Variants in MAN2B1 observed in about 807,000 individuals in gnomAD.
The protein encoded by MAN2B1 is lysosomal alpha-mannosidase.
Under a neutral mutation model 127.5 loss-of-function variants are expected in MAN2B1, and 99 were observed. The observed-to-expected ratio is 0.78, with a 90% CI of 0.66 to 0.92. MAN2B1 has a LOEUF of 0.92. MAN2B1 is among the 40% of genes least tolerant of loss of function. The probability of loss-of-function intolerance (pLI) is 0.00; values close to 1 mark genes in which losing one functional copy is unlikely to be tolerated. For synonymous variants in MAN2B1, 573 were observed against 568.8 expected (o/e 1.01, Z -0.11); for missense variants, 1,304 against 1,384.8 (o/e 0.94, Z 0.93).
At chr19:12,658,770 T>C (rs923013387) in intron 7 of MAN2B1, 8 of 514,596 alleles carry the variant, frequency 1.6e-5, no homozygotes, top group Non-Finnish European at 2.5e-5. Flanking sequence ...TCCAACTTTA[T>C]TATTAAAAAC....
chr19:12,656,529 G>C, intron 13 of MAN2B1, 42 bp downstream of exon 13: 1 of 1,428,140 alleles, frequency 7.0e-7, no homozygotes, highest in Non-Finnish European at 9.9e-7. Flanking sequence ...TGCCCACTGG[G>C]GGAGGAGTCC....
In MAN2B1 at chr19:12,649,940, C is replaced by A; in HGVS notation, c.2240G>T (p.Ser747Ile). 6.2e-7 allele frequency: 1 copy of A among 1,612,276 alleles called. No individual in the cohort carries two copies. The highest frequency in any genetic ancestry group is 8.5e-7 in the Non-Finnish European group (1 of 1,178,656). The change falls in exon 18 of 24, where the codon AGC becomes ATC. Residue 747 changes from serine to isoleucine, a missense_variant. Transcript: ENST00000456935. The stretch of plus-strand genomic sequence containing the variant: ...CCTCTCCAGGATCTCCCGGCCATTG[C>A]TGTCTGTGTAGAAGCGTCCCTTTGT... ...LETKGRFYTD[S>I]NGREILERRR...
intron 14 of MAN2B1, 82 bp from the exon 15 acceptor site, chr19:12,652,542 T>A: frequency 9.7e-7 from 1 of 1,035,528 alleles, no homozygotes; most frequent in Admixed American, 2.1e-5. Context: ...TTTTCTTTTT[T>A]TTTTTTTGAG....
Position 12,658,528 on chromosome 19 carries a change from G to C in MAN2B1, c.1027-18C>G, listed in dbSNP as rs751227346. On this transcript the variant is annotated intron_variant, in intron 7 of 23. Transcript: ENST00000456935. ...TTTGCCTGCTGCTGGGGGAGGCGAC[G>C]GAGTGAGCCCTCGGGAGTCCGCACC... is the stretch of plus-strand genomic sequence containing the variant. The C allele has an allele frequency of 6.2e-7, 1 of 1,612,754 alleles. No individual in the cohort carries two copies. Among genetic ancestry groups the C allele is most frequent in the African/African-American group, 1.3e-5 (1 of 75,038 alleles).
Position 12,657,340 on chromosome 19 carries a change from A to T in MAN2B1, c.1419+106T>A. 1.0e-5 allele frequency: 10 copies of T among 957,744 alleles called. 1 individual carries two copies. The South Asian group carries it at 1.3e-4, about 12-fold the overall frequency. The allele number at this position is 957,744 out of a possible 1,614,324, so 59.3% of individuals were successfully genotyped here. On this transcript the variant is annotated intron_variant, in intron 11 of 23. Transcript: ENST00000456935. Reference sequence around the variant, plus strand: ...CCACGAGCCCTTGTAGCCCCGCCACAGGGCTCTCGGCTACGCCTCACACCT... The same window carrying T: ...CCACGAGCCCTTGTAGCCCCGCCACTGGGCTCTCGGCTACGCCTCACACCT...
intron 23 of MAN2B1, 50 bp from the exon 24 acceptor site, chr19:12,646,782 G>A (rs1447168917): frequency 4.6e-6 from 6 of 1,291,878 alleles, no homozygotes; most frequent in Non-Finnish European, 6.8e-6. Flanking sequence ...GACTTCCTCT[G>A]ACTCACCCCA....
intron 7 of MAN2B1, chr19:12,660,752 A>ATTT (rs1168857464): frequency 5.0e-4 from 51 of 102,252 alleles, no homozygotes; most frequent in African/African-American, 7.8e-4. Context: ...CTCAGGCTGG[A>ATTT]TTTTTTTTTT....
intron 16 of MAN2B1, 80 bp downstream of exon 16, chr19:12,652,073 T>G: frequency 9.4e-7 from 1 of 1,068,280 alleles, no homozygotes; most frequent in Non-Finnish European, 1.5e-6. Flanking sequence ...CTACCCTCAC[T>G]CTACACATGG....
At chr19:12,649,843 A>T in intron 18 of MAN2B1, 70 bp downstream of exon 18, 1 of 1,331,188 alleles carries the variant, frequency 7.5e-7, no homozygotes, top group Non-Finnish European at 1.1e-6. Flanking sequence ...TAATCAGCAA[A>T]TTTCCCTCAC....
At position 12,647,886 on chromosome 19, in the gene MAN2B1, G is replaced by A. The variant is rs1351719397; in HGVS notation, c.2665-288C>T. The stretch of plus-strand genomic sequence containing the variant: ...TGAAGCCGCGGGGCTGGGTGAGGCA[G>A]GACAGAGCCTGGGGGCGGTGAGAGG... On this transcript the variant is annotated intron_variant, in intron 21 of 23. Coordinates refer to ENST00000456935, the MANE Select transcript of MAN2B1 (RefSeq NM_000528.4). This position sits in a 1 kb window ranked among gnomAD's most constrained non-coding sequence, Gnocchi z 4.9. 3.3e-5 allele frequency among the ~76,000 whole-genome samples: 5 copies of A among 151,006 alleles called. No homozygotes were observed. The highest frequency in any genetic ancestry group is 7.4e-5 in the Non-Finnish European group (5 of 67,668).
In MAN2B1 at chr19:12,656,606, C is replaced by T. The variant is rs1364093657; in HGVS notation, c.1609G>A (p.Val537Met). The change falls in exon 13 of 24, where the codon GTG becomes ATG. Residue 537 changes from valine (V) to methionine (M), a missense_variant. Coordinates refer to ENST00000456935, the MANE Select transcript of MAN2B1 (RefSeq NM_000528.4). ...ACTGTCCTGCCATTGGGGTCCTTCA[C>T]AACGAAAACGCCTTCGCTGACCGGC... ...RLPVSEGVFV[V>M]KDPNGRTVPS... 12 of 1,613,836 alleles carry T rather than the reference C, an allele frequency of 7.4e-6. No individual in the cohort carries two copies. Among genetic ancestry groups the T allele is most frequent in the Non-Finnish European group, 8.5e-6 (10 of 1,179,924 alleles).
At position 12,647,018 on chromosome 19, in the gene MAN2B1, C is replaced by T. The variant is rs2023703964; in HGVS notation, c.2923+215G>A. On this transcript the variant is annotated intron_variant, in intron 23 of 23. Transcript: ENST00000456935. This position sits in a 1 kb window ranked among gnomAD's most constrained non-coding sequence, Gnocchi z 4.9. ...TGGATGGGGATTTTCAAATCTTGTTCTTGGGACTAAACAGCACCCACAAAC... is the reference window on the plus strand; with the variant it reads ...TGGATGGGGATTTTCAAATCTTGTTTTTGGGACTAAACAGCACCCACAAAC... The T allele has an allele frequency of 1.6e-6, 1 of 610,262 alleles. No individual in the cohort carries two copies. Among genetic ancestry groups the T allele is most frequent in the South Asian group, 2.0e-5 (1 of 51,094 alleles). 37.8% of individuals were successfully genotyped at this position (610,262 alleles called of 1,614,324 possible).
chr19:12,659,397 G>C (rs76474693), intron 7 of MAN2B1, among the ~76,000 whole-genome samples: 5 of 150,800 alleles, frequency 3.3e-5, no homozygotes, highest in Non-Finnish European at 7.4e-5. Context: ...CGCCTCCCAG[G>C]TTCCAGCGAT....
At chr19:12,652,046 G>A in intron 16 of MAN2B1, 107 bp downstream of exon 16, 1 of 869,556 alleles carries the variant, frequency 1.2e-6, no homozygotes, top group Non-Finnish European at 2.0e-6. Flanking sequence ...TGATCTGAAG[G>A]AAAAGTAAAT....
At position 12,650,241 on chromosome 19, in the gene MAN2B1, G is replaced by A. The variant is rs529363964; in HGVS notation, c.2047-19C>T. 1.1e-5 allele frequency: 16 copies of A among 1,522,584 alleles called. No homozygotes were observed. The Admixed American group carries it at 1.8e-4, about 17-fold the overall frequency. 94.3% of individuals were successfully genotyped at this position (1,522,584 alleles called of 1,614,324 possible). A position where few individuals can be genotyped will look rare whatever the true frequency, so the allele number is the denominator to read the frequency against. The stretch of plus-strand genomic sequence containing the variant: ...AGGGTGTCTGCGGGCACACGGGTGA[G>A]GTGGATGTCAGTCTGTACCTGAGCA... On this transcript the variant is annotated intron_variant, in intron 16 of 23. Transcript: ENST00000456935.
intron 5 of MAN2B1, 24 bp downstream of exon 5, chr19:12,663,679 C>T: frequency 2.5e-6 from 4 of 1,595,826 alleles, no homozygotes; most frequent in Non-Finnish European, 3.4e-6. Context: ...CCATGGCTGG[C>T]CCTGCCCTCA....
At chr19:12,649,099 G>A in intron 20 of MAN2B1, 37 bp downstream of exon 20, 1 of 1,577,690 alleles carries the variant, frequency 6.3e-7, no homozygotes, top group African/African-American at 1.3e-5. Flanking sequence ...TCCAGGTTGG[G>A]AGGACCCTGG....
rs771210668 is a variant in MAN2B1, at chr19:12,647,292, G to A, written c.2864C>T (p.Thr955Met). 1.9e-5 allele frequency: 31 copies of A among 1,614,160 alleles called. No homozygotes were observed. The highest frequency in any genetic ancestry group is 2.2e-5 in the East Asian group (1 of 44,886). ...TFTITRLQETTLVANQLREAA... is the reference protein window; with the variant it reads ...TFTITRLQETMLVANQLREAA... Reference sequence around the variant, plus strand: ...CTCGCGGAGCTGGTTGGCCACCAGCGTGGTCTCCTGCAGGCGGGTGATGGT... The same window carrying A: ...CTCGCGGAGCTGGTTGGCCACCAGCATGGTCTCCTGCAGGCGGGTGATGGT... The change falls in exon 23 of 24, where the codon ACG becomes ATG. Residue 955 changes from threonine to methionine, a missense_variant. Coordinates refer to ENST00000456935, the MANE Select transcript of MAN2B1 (RefSeq NM_000528.4). This position sits in a 1 kb window ranked among gnomAD's most constrained non-coding sequence, Gnocchi z 4.9.
intron 16 of MAN2B1, among the ~76,000 whole-genome samples, 160 bp from the exon 17 acceptor site, chr19:12,650,382 G>A (rs919650000): frequency 6.1e-4 from 89 of 145,820 alleles, no homozygotes; most frequent in African/African-American, 2.2e-3. Context: ...TTTTTGAGAC[G>A]GAGTCTCGCT....
Sources: gnomAD v4.1 joint callset for allele counts (sites outside exome capture counted in the v4.1 genomes callset) on GRCh38, gnomAD v4.1.1 for gene constraint, Gnocchi (gnomAD v3.1) non-coding constraint, MANE v1.5 for transcripts, NCBI Gene and HGNC (gene_info 2026-07-23, HGNC 2026-07-21) for gene names.